Variants in GALNT7 observed in about 807,000 individuals in gnomAD.
GALNT7 encodes N-acetylgalactosaminyltransferase 7.
A neutral mutation model predicts 82.1 loss-of-function variants in GALNT7; 60 were observed. The observed-to-expected ratio is 0.73, with a 90% confidence interval of 0.59 to 0.91. The LOEUF is 0.91. Among genes scored for constraint, GALNT7 ranks in the 40% least tolerant of loss-of-function variants. GALNT7 has a pLI of 0.00. For synonymous variants in GALNT7, 243 were observed against 275.1 expected (o/e 0.88, Z 1.15); for missense variants, 660 against 804.2 (o/e 0.82, Z 2.17).
intron 1 of GALNT7, among the ~76,000 whole-genome samples, chr4:173,225,046 A>AATAATAATAATAATAATT (rs1561161789): frequency 8.2e-5 from 7 of 84,860 alleles, no homozygotes; most frequent in African/African-American, 2.4e-4. Context: ...TAATAATAAT[A>AATAATAATAATAATAATT]ATAATTATAA....
At chr4:173,294,769 A>C (rs1019770191) in intron 3 of GALNT7, among the ~76,000 whole-genome samples, 1 of 152,174 alleles carries the variant, frequency 6.6e-6, no homozygotes, top group Non-Finnish European at 1.5e-5. Context: ...TTACAAACAC[A>C]TATATACATA....
intron 8 of GALNT7, among the ~76,000 whole-genome samples, chr4:173,310,403 A>G (rs879857000): frequency 5.9e-5 from 9 of 152,058 alleles, no homozygotes; most frequent in Non-Finnish European, 1.0e-4. Flanking sequence ...GCAGCCCCTC[A>G]AATCTCTCCC....
rs1264351847 is a variant in GALNT7 at position 173,320,187 on chromosome 4, G to C, written c.1837-1393G>C. On this transcript the variant is annotated intron_variant, in intron 11 of 11. Coordinates refer to ENST00000265000, the MANE Select transcript of GALNT7 (RefSeq NM_017423.3). The surrounding 1 kb of genome is among the most constrained non-coding windows in gnomAD (Gnocchi z 4.1). ...ACTGATGAAGCAACGAGATCAGCTT[G>C]AGCAGCAGTTCTCAAACTTTCTGTC... Among the ~76,000 whole-genome samples, 2 of 151,984 alleles carry C rather than the reference G, an allele frequency of 1.3e-5. No individual in the cohort carries two copies. Among genetic ancestry groups the C allele is most frequent in the Non-Finnish European group, 2.9e-5 (2 of 67,982 alleles).
intron 3 of GALNT7, among the ~76,000 whole-genome samples, chr4:173,294,548 A>G (rs984566242): frequency 6.6e-6 from 1 of 152,120 alleles, no homozygotes; most frequent in African/African-American, 2.4e-5. Context: ...CATGGGCCAA[A>G]TTTTTAAACA....
intron 1 of GALNT7, among the ~76,000 whole-genome samples, chr4:173,171,722 T>A (rs1216622972): frequency 6.6e-6 from 1 of 152,254 alleles, no homozygotes; most frequent in Non-Finnish European, 1.5e-5. Flanking sequence ...GTTGTGTGAT[T>A]TTAAATATTG....
intron 1 of GALNT7, among the ~76,000 whole-genome samples, chr4:173,172,996 C>A (rs1731924295): frequency 6.6e-6 from 1 of 151,938 alleles, no homozygotes; most frequent in Admixed American, 6.6e-5. Context: ...TAGCAGGAGT[C>A]CTGGTGGGGG....
intron 1 of GALNT7, among the ~76,000 whole-genome samples, chr4:173,242,480 A>T (rs1022442181): frequency 1.3e-5 from 2 of 152,162 alleles, no homozygotes; most frequent in South Asian, 4.1e-4. Flanking sequence ...TATGGATGAC[A>T]TTCTAGATAT....
chr4:173,259,866 G>A (rs1278568961), intron 2 of GALNT7, among the ~76,000 whole-genome samples: 1 of 152,128 alleles, frequency 6.6e-6, no homozygotes, highest in African/African-American at 2.4e-5. Context: ...TCGAACTCTT[G>A]ACCTCAGGTG....
chr4:173,248,000 C>T lies in GALNT7; in HGVS notation c.147C>T (p.Asp49=), dbSNP rs1192416979. 3 of 1,611,690 alleles carry T rather than the reference C, an allele frequency of 1.9e-6. No homozygotes were observed. The highest frequency in any genetic ancestry group is 1.3e-5 in the African/African-American group (1 of 74,828). Residue 49 remains aspartate (D), a synonymous_variant, in exon 2 of 12, where the codon GAC becomes GAT. Transcript: ENST00000265000. The stretch of plus-strand genomic sequence containing the variant: ...TATAGGAAGACAGAGATGTCAATGA[C>T]CCCATGCCCAACCGAGGCGGCAATG... ...SRMREDRDVN[D]PMPNRGGNGL...
chr4:173,239,826 G>GC (rs1179266374), intron 1 of GALNT7, among the ~76,000 whole-genome samples: 2 of 152,044 alleles, frequency 1.3e-5, no homozygotes, highest in African/African-American at 4.8e-5. Flanking sequence ...TTTAAAATAT[G>GC]CCGTGCATTG....
At chr4:173,241,291 T>C (rs1379890412) in intron 1 of GALNT7, among the ~76,000 whole-genome samples, 1 of 152,078 alleles carries the variant, frequency 6.6e-6, no homozygotes, top group Non-Finnish European at 1.5e-5. Context: ...TACATTTAAT[T>C]TTCCTGTTAA....
chr4:173,265,025 C>T (rs1439948881), intron 2 of GALNT7, among the ~76,000 whole-genome samples: 1 of 152,236 alleles, frequency 6.6e-6, no homozygotes, highest in African/African-American at 2.4e-5. Context: ...TAGCAACTTG[C>T]ACTGTTTGGC....
At chr4:173,214,962 A>G (rs1395018493) in intron 1 of GALNT7, among the ~76,000 whole-genome samples, 2 of 152,152 alleles carry the variant, frequency 1.3e-5, no homozygotes, top group African/African-American at 4.8e-5. Flanking sequence ...GTGATGGCCA[A>G]ATGCCAGTTC....
chr4:173,213,460 T>A (rs866645145), intron 1 of GALNT7, among the ~76,000 whole-genome samples: 18 of 152,128 alleles, frequency 1.2e-4, no homozygotes, highest in Middle Eastern at 3.2e-3. Flanking sequence ...AGTTGTTATT[T>A]CTAAGTCAAT....
In GALNT7 at chr4:173,291,942, G is replaced by C. The variant is rs76783121; in HGVS notation, c.588-166G>C. Among the ~76,000 whole-genome samples, 62 of 152,252 alleles carry C rather than the reference G, an allele frequency of 4.1e-4. 1 individual carries two copies. In the East Asian group the frequency reaches 0.011, roughly 26 times the overall value. On this transcript the variant is annotated intron_variant, in intron 2 of 11. Coordinates refer to ENST00000265000, the MANE Select transcript of GALNT7 (RefSeq NM_017423.3). ...CTAGGAGTAACTTTATCTCATAACAGCTTCTCTCTTTTATCTTGCATTTCT... is the reference window on the plus strand; with the variant it reads ...CTAGGAGTAACTTTATCTCATAACACCTTCTCTCTTTTATCTTGCATTTCT...
intron 6 of GALNT7, among the ~76,000 whole-genome samples, chr4:173,299,671 A>AC (rs1233039477): frequency 6.6e-6 from 1 of 152,098 alleles, no homozygotes; most frequent in African/African-American, 2.4e-5. Context: ...ACATGGTGAA[A>AC]CCCCATTTCT....
intron 1 of GALNT7, among the ~76,000 whole-genome samples, chr4:173,191,869 A>T (rs1160255788): frequency 6.6e-6 from 1 of 152,110 alleles, no homozygotes; most frequent in Admixed American, 6.6e-5. Flanking sequence ...GGATTTTTTT[A>T]GGTGTCTTTT....
chr4:173,183,895 G>A (rs1293638324), intron 1 of GALNT7, among the ~76,000 whole-genome samples: 5 of 150,886 alleles, frequency 3.3e-5, no homozygotes, highest in South Asian at 2.1e-4. Flanking sequence ...GGCGGCTGCC[G>A]GGTGGAGGGG....
At chr4:173,181,238 T>C (rs1254092274) in intron 1 of GALNT7, among the ~76,000 whole-genome samples, 3 of 152,204 alleles carry the variant, frequency 2.0e-5, no homozygotes, top group African/African-American at 7.2e-5. Context: ...TATTTGAACA[T>C]TTAAGCAGAA....
Sources: gnomAD v4.1 joint callset for allele counts (sites outside exome capture counted in the v4.1 genomes callset) on GRCh38, gnomAD v4.1.1 for gene constraint, Gnocchi (gnomAD v3.1) non-coding constraint, MANE v1.5 for transcripts, NCBI Gene and HGNC (gene_info 2026-07-23, HGNC 2026-07-21) for gene names.